Variants in KIAA1958 observed in about 807,000 individuals in gnomAD.
The protein encoded by KIAA1958 is uncharacterized protein KIAA1958.
In KIAA1958, 14 loss-of-function variants were observed where a neutral mutation model predicts 47.2. That is an observed-to-expected ratio of 0.30 (90% CI 0.20 to 0.46). The LOEUF is 0.46. KIAA1958 is among the 20% of genes least tolerant of loss of function. The pLI, the probability that KIAA1958 is intolerant of heterozygous loss-of-function variation, is 1.00. For synonymous variants in KIAA1958, 354 were observed against 353.3 expected (o/e 1.00, Z -0.02); for missense variants, 803 against 909.2 (o/e 0.88, Z 1.50).
chr9:112,658,785 C>T (rs1837200441), intron 3 of KIAA1958, among the ~76,000 whole-genome samples: 1 of 151,706 alleles, frequency 6.6e-6, no homozygotes, highest in Admixed American at 6.6e-5. Context: ...CTGTGAAACC[C>T]CATCTCTACA....
chr9:112,549,299 TAA>T (rs1158806323), intron 1 of KIAA1958, among the ~76,000 whole-genome samples: 1 of 152,220 alleles, frequency 6.6e-6, no homozygotes, highest in Non-Finnish European at 1.5e-5. Context: ...TCTTTCTCAA[TAA>T]AGTTCAGATT....
Position 112,664,661 on chromosome 9 carries a change from A to C in KIAA1958, c.*4592A>C, listed in dbSNP as rs1281195291. ...CTCTGTGTTAAAAGAAAAACATTCC[A>C]TCTTGTAGGCAGTGTTCCTCAGTAA... is the stretch of plus-strand genomic sequence containing the variant. On this transcript the variant is annotated 3_prime_UTR_variant, in exon 4 of 4. Transcript: ENST00000337530. The C allele has an allele frequency of 6.6e-6, 1 of 152,230 alleles. No individual in the cohort carries two copies. Among genetic ancestry groups the C allele is most frequent in the Non-Finnish European group, 1.5e-5 (1 of 68,028 alleles). 9.4% of individuals were successfully genotyped at this position (152,230 alleles called of 1,614,324 possible).
At position 112,574,781 on chromosome 9, in the gene KIAA1958, C is replaced by T. The variant is rs763869612; in HGVS notation, c.701C>T (p.Ala234Val). 18 of 1,613,876 alleles carry T rather than the reference C, an allele frequency of 1.1e-5. No individual in the cohort carries two copies. Residue 234 changes from alanine (A) to valine (V), a missense_variant, in exon 2 of 4, where the codon GCA becomes GTA. This residue lies in a region of KIAA1958 where 761 missense variants were observed against 829.3 expected (regional missense o/e 0.92). Coordinates refer to ENST00000337530, the MANE Select transcript of KIAA1958 (RefSeq NM_133465.4). ...DGPALSLTQMAKPKPQTHAGP... is the reference protein window; with the variant it reads ...DGPALSLTQMVKPKPQTHAGP... ...CCAGCCCTGTCCTTGACACAGATGG[C>T]AAAACCCAAGCCTCAGACTCACGCT... is the stretch of plus-strand genomic sequence containing the variant.
chr9:112,575,321 A>G (rs929876736), intron 2 of KIAA1958, 70 bp downstream of exon 2: 4 of 1,046,496 alleles, frequency 3.8e-6, no homozygotes, highest in Non-Finnish European at 5.5e-6. Flanking sequence ...CAGCACTTCT[A>G]AAACCATTCA....
In KIAA1958 at chr9:112,660,210, CTTTGACTTGGGG is replaced by C; in HGVS notation, c.*146_*157del. 9.2e-6 allele frequency: 6 copies of C among 655,338 alleles called. No homozygotes were observed. Among genetic ancestry groups the C allele is most frequent in the Non-Finnish European group, 1.6e-5 (6 of 381,358 alleles). The allele number at this position is 655,338 out of a possible 1,614,324, so 40.6% of individuals were successfully genotyped here. A position where few individuals can be genotyped will look rare whatever the true frequency, so the allele number is the denominator to read the frequency against. ...TCTCCCCTGGTGTGGCCTGCCCTCC[CTTTGACTTGGGG>C]TTTGCTTTTTAAAATGAAACTAGAT... is the stretch of plus-strand genomic sequence containing the variant. On this transcript the variant is annotated 3_prime_UTR_variant, in exon 4 of 4. Transcript: ENST00000337530.
intron 1 of KIAA1958, among the ~76,000 whole-genome samples, chr9:112,525,798 G>C (rs1834628328): frequency 6.6e-6 from 1 of 151,084 alleles, no homozygotes; most frequent in South Asian, 2.1e-4. Flanking sequence ...ACCAAAATAT[G>C]AACAGACCCG....
chr9:112,617,629 C>T (rs1025440525), intron 2 of KIAA1958, among the ~76,000 whole-genome samples: 4 of 151,972 alleles, frequency 2.6e-5, no homozygotes, highest in Admixed American at 6.6e-5. Context: ...ACTATGTGCC[C>T]GTGACATAGG....
chr9:112,542,303 TA>T (rs1204354787), intron 1 of KIAA1958, among the ~76,000 whole-genome samples: 1 of 152,144 alleles, frequency 6.6e-6, no homozygotes, highest in African/African-American at 2.4e-5. Context: ...AATATAAACT[TA>T]TGGAAATGTT....
rs1330697609 is a variant in KIAA1958 at position 112,486,881 on chromosome 9, A to G, written c.-262A>G. On this transcript the variant is annotated 5_prime_UTR_variant, in exon 1 of 4. Transcript: ENST00000337530. ...GGCGCGCGGAGCTCGGGGCGCACGG[A>G]GCGGCGCGCGGCGGTCGGCCGAGCC... 1 of 134,980 alleles carries G rather than the reference A, an allele frequency of 7.4e-6. No individual in the cohort carries two copies. Among genetic ancestry groups the G allele is most frequent in the Non-Finnish European group, 1.6e-5 (1 of 62,230 alleles). The allele number at this position is 134,980 out of a possible 1,614,324, so 8.4% of individuals were successfully genotyped here. A position where few individuals can be genotyped will look rare whatever the true frequency, so the allele number is the denominator to read the frequency against.
intron 1 of KIAA1958, among the ~76,000 whole-genome samples, chr9:112,556,262 C>G (rs969431475): frequency 6.6e-6 from 1 of 152,178 alleles, no homozygotes; most frequent in African/African-American, 2.4e-5. Flanking sequence ...AAGGTTGACT[C>G]AGCTTTCGGT....
At chr9:112,655,430 A>G (rs974382945) in intron 3 of KIAA1958, among the ~76,000 whole-genome samples, 61 of 152,344 alleles carry the variant, frequency 4.0e-4, no homozygotes, top group African/African-American at 1.3e-3. Flanking sequence ...AAACAAAAAA[A>G]GAGATTGAAT....
At chr9:112,555,812 C>T (rs548161498) in intron 1 of KIAA1958, among the ~76,000 whole-genome samples, 118 of 152,324 alleles carry the variant, frequency 7.7e-4, no homozygotes, top group African/African-American at 2.4e-3. Context: ...CGGTGGCTCA[C>T]GCCTGTAATC....
intron 3 of KIAA1958, among the ~76,000 whole-genome samples, chr9:112,649,573 CA>C (rs1182344014): frequency 6.6e-6 from 1 of 151,862 alleles, no homozygotes; most frequent in African/African-American, 2.4e-5. Flanking sequence ...AGGAAGTAAC[CA>C]AATTACTTAA....
At chr9:112,535,075 T>C (rs1426277549) in intron 1 of KIAA1958, among the ~76,000 whole-genome samples, 2 of 152,236 alleles carry the variant, frequency 1.3e-5, no homozygotes, top group Non-Finnish European at 2.9e-5. Context: ...AAGTAACATC[T>C]CTATTACCTT....
chr9:112,500,499 A>G (rs1474225918), intron 1 of KIAA1958, among the ~76,000 whole-genome samples: 1 of 150,830 alleles, frequency 6.6e-6, no homozygotes, highest in African/African-American at 2.4e-5. Context: ...TATGTTGCCC[A>G]GGCTGGTCTC....
intron 2 of KIAA1958, among the ~76,000 whole-genome samples, chr9:112,619,916 T>C (rs545104791): frequency 6.6e-6 from 1 of 152,202 alleles, no homozygotes; most frequent in Non-Finnish European, 1.5e-5. Context: ...CTTAGAAGCA[T>C]TAAACAGTCT....
chr9:112,582,786 A>ACCCACTAG (rs1292113531), intron 2 of KIAA1958, among the ~76,000 whole-genome samples: 1 of 151,978 alleles, frequency 6.6e-6, no homozygotes, highest in African/African-American at 2.4e-5. Flanking sequence ...TCTGTTCAGT[A>ACCCACTAG]CCCACTAGTT....
intron 2 of KIAA1958, among the ~76,000 whole-genome samples, chr9:112,587,254 A>G (rs569129838): frequency 1.3e-5 from 2 of 152,094 alleles, no homozygotes; most frequent in Non-Finnish European, 2.9e-5. Flanking sequence ...GGTTCAAGCA[A>G]TTCTCATACC....
chr9:112,535,180 T>A (rs10113914), intron 1 of KIAA1958, among the ~76,000 whole-genome samples: 3 of 152,050 alleles, frequency 2.0e-5, no homozygotes, highest in African/African-American at 7.3e-5. Flanking sequence ...ACAATAAAGC[T>A]CTTGAACTTA....
Sources: allele counts gnomAD v4.1 joint callset (sites outside exome capture counted in the v4.1 genomes callset), GRCh38; gene constraint gnomAD v4.1.1; regional missense constraint gnomAD v4.1.1; transcripts MANE v1.5; gene names NCBI Gene and HGNC (gene_info 2026-07-23, HGNC 2026-07-21).